The following SNX8 variants were observed in gnomAD, a reference collection of about 807,000 sequenced individuals.
SNX8 encodes the protein sorting nexin 8.
SNX8 carries 25 observed loss-of-function variants against 51.6 expected under a neutral mutation model. The observed-to-expected ratio is 0.48, with a 90% confidence interval of 0.35 to 0.68. The LOEUF is 0.68. Among genes scored for constraint, SNX8 ranks in the 30% least tolerant of loss-of-function variants. The pLI, the probability that SNX8 is intolerant of heterozygous loss-of-function variation, is 0.00. For synonymous variants in SNX8, 324 were observed against 277.0 expected (o/e 1.17, Z -1.68); for missense variants, 695 against 624.0 (o/e 1.11, Z -1.21).
intron 1 of SNX8, among the ~76,000 whole-genome samples, chr7:2,319,747 G>A (rs564766109): frequency 1.8e-4 from 26 of 148,278 alleles, no homozygotes; most frequent in Non-Finnish European, 2.7e-4. Flanking sequence ...CCTGGGAGCC[G>A]GAGCTTGCAG....
At chr7:2,349,021 C>A (rs1779088042) in intron 1 of SNX8, among the ~76,000 whole-genome samples, 1 of 144,662 alleles carries the variant, frequency 6.9e-6, no homozygotes, top group South Asian at 2.2e-4. Flanking sequence ...AAAATCATGA[C>A]TTTCAATTTT....
chr7:2,258,884 G>T lies in SNX8; in HGVS notation c.916-1081C>A, dbSNP rs575803637. On this transcript the variant is annotated intron_variant, in intron 7 of 10. Transcript: ENST00000222990. ...GGCGGGCAGCCCTGGAGTGGAACAGGGGCCCCATCACGGCAGAGGGATGCC... is the reference window on the plus strand; with the variant it reads ...GGCGGGCAGCCCTGGAGTGGAACAGTGGCCCCATCACGGCAGAGGGATGCC... Among the ~76,000 whole-genome samples the T allele has an allele frequency of 1.1e-4, 16 of 152,264 alleles. No individual in the cohort carries two copies. In the South Asian group the frequency reaches 2.7e-3, roughly 26 times the overall value.
chr7:2,331,818 T>C (rs1396384934), intron 1 of SNX8, among the ~76,000 whole-genome samples: 2 of 152,064 alleles, frequency 1.3e-5, no homozygotes, highest in Non-Finnish European at 2.9e-5. Context: ...AGATGGAGGT[T>C]AAAGTGAGTC....
intron 1 of SNX8, among the ~76,000 whole-genome samples, chr7:2,289,117 C>T (rs1796094814): frequency 6.6e-6 from 1 of 152,194 alleles, no homozygotes; most frequent in African/African-American, 2.4e-5. Context: ...GCTGCGAGAC[C>T]TGTTGTGCAC....
intron 1 of SNX8, among the ~76,000 whole-genome samples, chr7:2,302,529 C>G (rs1796422571): frequency 6.6e-6 from 1 of 152,240 alleles, no homozygotes; most frequent in South Asian, 2.1e-4. Context: ...ACCACCCCGT[C>G]TGGGAAGTGA....
At position 2,252,419 on chromosome 7, in the gene SNX8, T is replaced by C. The variant is rs1584654004; in HGVS notation, c.*2637A>G. ...GCACAGGGCCAGGGCCAAGAAGTATTTGTGAGAAGGAAGGTGGCCTCCGCC... is the reference window on the plus strand; with the variant it reads ...GCACAGGGCCAGGGCCAAGAAGTATCTGTGAGAAGGAAGGTGGCCTCCGCC... On this transcript the variant is annotated 3_prime_UTR_variant, in exon 11 of 11. Transcript: ENST00000222990. The C allele has an allele frequency of 1.3e-5, 2 of 152,382 alleles. No individual in the cohort carries two copies. The highest frequency in any genetic ancestry group is 1.3e-4 in the Admixed American group (2 of 15,288). 9.4% of individuals were successfully genotyped at this position (152,382 alleles called of 1,614,324 possible).
chr7:2,275,721 G>A (rs1795762389), intron 2 of SNX8, among the ~76,000 whole-genome samples: 1 of 151,982 alleles, frequency 6.6e-6, no homozygotes, highest in South Asian at 2.1e-4. Context: ...AAAAAAGGCC[G>A]GGCGCGGTGG....
intron 10 of SNX8, among the ~76,000 whole-genome samples, chr7:2,255,453 C>T (rs1251443598): frequency 6.6e-6 from 1 of 152,224 alleles, no homozygotes; most frequent in East Asian, 1.9e-4. Context: ...TCGTGAGAAA[C>T]GTTACTATCG....
intron 1 of SNX8, among the ~76,000 whole-genome samples, chr7:2,319,829 A>T (rs927127087): frequency 2.6e-5 from 4 of 151,658 alleles, no homozygotes; most frequent in African/African-American, 9.7e-5. Context: ...AAAAAAAAAA[A>T]ATTAGCTGGG....
upstream of SNX8, chr7:2,314,519 C>T (rs1374071536): frequency 2.7e-6 from 3 of 1,096,784 alleles, no homozygotes; most frequent in Non-Finnish European, 2.2e-6. Context: ...CCTGGTCACG[C>T]CCCCTCCCCC....
intron 1 of SNX8, among the ~76,000 whole-genome samples, chr7:2,324,456 A>G (rs1180217265): frequency 6.6e-6 from 1 of 151,606 alleles, no homozygotes; most frequent in Non-Finnish European, 1.5e-5. Flanking sequence ...ACGCCTGGCT[A>G]ATTTTTTGTA....
chr7:2,316,378 C>T (rs2115218843), upstream of SNX8, among the ~76,000 whole-genome samples: 1 of 149,520 alleles, frequency 6.7e-6, no homozygotes, highest in South Asian at 2.1e-4. Flanking sequence ...CTCACTCATG[C>T]ACTGCATCCT....
At chr7:2,260,201 TTC>T (rs1308915391) in intron 7 of SNX8, among the ~76,000 whole-genome samples, 1 of 152,006 alleles carries the variant, frequency 6.6e-6, no homozygotes, top group East Asian at 1.9e-4. Context: ...GTTCAAGCGA[TTC>T]TCTCCTGCCT....
intron 3 of SNX8, among the ~76,000 whole-genome samples, chr7:2,274,382 G>A (rs1795725517): frequency 6.6e-6 from 1 of 152,274 alleles, no homozygotes; most frequent in Non-Finnish European, 1.5e-5. Context: ...GGGAACGGCA[G>A]AAAGCCATGA....
chr7:2,291,011 T>C (rs904624629), intron 1 of SNX8, among the ~76,000 whole-genome samples: 2 of 152,134 alleles, frequency 1.3e-5, no homozygotes, highest in Admixed American at 1.3e-4. Flanking sequence ...TAAACAGTCT[T>C]GTAGCGGGGC....
intron 1 of SNX8, among the ~76,000 whole-genome samples, chr7:2,297,643 G>A (rs976606736): frequency 1.3e-5 from 2 of 149,864 alleles, no homozygotes; most frequent in Non-Finnish European, 3.0e-5. Context: ...CAACCTAAGT[G>A]CCCGTCAACC....
intron 1 of SNX8, among the ~76,000 whole-genome samples, chr7:2,320,775 A>G (rs1199679064): frequency 6.6e-6 from 1 of 150,468 alleles, no homozygotes; most frequent in Non-Finnish European, 1.5e-5. Flanking sequence ...AATCCCAGCA[A>G]TTTGGGAGGC....
chr7:2,304,347 A>T (rs1180899765), intron 1 of SNX8, among the ~76,000 whole-genome samples: 3 of 151,370 alleles, frequency 2.0e-5, no homozygotes, highest in African/African-American at 7.3e-5. Context: ...GATAGAGACC[A>T]TCCTGGCTAA....
At chr7:2,273,301 G>C (rs1287817915) in intron 3 of SNX8, among the ~76,000 whole-genome samples, 3 of 151,658 alleles carry the variant, frequency 2.0e-5, no homozygotes, top group African/African-American at 7.3e-5. Context: ...TACCATAAAA[G>C]AGGCCAGGCG....
Sources: gnomAD v4.1 joint callset for allele counts (sites outside exome capture counted in the v4.1 genomes callset) on GRCh38, gnomAD v4.1.1 for gene constraint, MANE v1.5 for transcripts, NCBI Gene and HGNC (gene_info 2026-07-23, HGNC 2026-07-21) for gene names.